C12orf54: variants seen among roughly 807,000 people sequenced by gnomAD.
C12orf54 encodes the protein chromosome 12 open reading frame 54, also known as uncharacterized protein C12orf54.
In C12orf54, 24 loss-of-function variants were observed where a neutral mutation model predicts 26.4. That is an observed-to-expected ratio of 0.91 (90% CI 0.66 to 1.28). C12orf54 has a LOEUF of 1.28. Among genes scored for constraint, C12orf54 ranks in the 50% most tolerant of loss-of-function variants. The pLI is 0.00. For synonymous variants in C12orf54, 54 were observed against 47.0 expected, an observed-to-expected ratio of 1.15 and a Z score of -0.61; for missense variants, 154 against 150.9, an observed-to-expected ratio of 1.02 and a Z score of -0.11.
the C12orf54 span, among the ~76,000 whole-genome samples, chr12:48,421,646 C>A: frequency 6.7e-6 from 1 of 149,736 alleles, no homozygotes; most frequent in Non-Finnish European, 1.5e-5. Flanking sequence ...TATCCTGCCT[C>A]AGACTCCCAA....
the C12orf54 span, among the ~76,000 whole-genome samples, chr12:48,457,059 T>C: frequency 6.6e-6 from 1 of 152,216 alleles, no homozygotes; most frequent in African/African-American, 2.4e-5. Flanking sequence ...TTAAGTTTAG[T>C]GTGTAGTTAC....
intron 2 of C12orf54, among the ~76,000 whole-genome samples, chr12:48,485,914 T>A (rs4344535): frequency 0.15 from 22,244 of 152,060 alleles, 2,849 homozygotes; most frequent in East Asian, 0.66. Flanking sequence ...AATGACAGTG[T>A]CCATCACCTT....
chr12:48,439,768 G>A, the C12orf54 span, among the ~76,000 whole-genome samples: 1 of 152,026 alleles, frequency 6.6e-6, no homozygotes, highest in Admixed American at 6.5e-5. Context: ...GAGTGGGGAG[G>A]GATAGCATTA....
chr12:48,455,220 A>C, the C12orf54 span, among the ~76,000 whole-genome samples: 1 of 152,158 alleles, frequency 6.6e-6, no homozygotes, highest in South Asian at 2.1e-4. Context: ...TTCCTGTATT[A>C]GTTCATTTAG....
chr12:48,457,584 G>A, the C12orf54 span, among the ~76,000 whole-genome samples: 12 of 151,908 alleles, frequency 7.9e-5, no homozygotes, highest in South Asian at 4.2e-4. Flanking sequence ...TGCCTGCCTC[G>A]GCCTCCCAAA....
chr12:48,489,717 T>C (rs1053626319), intron 5 of C12orf54, among the ~76,000 whole-genome samples: 1 of 141,980 alleles, frequency 7.0e-6, no homozygotes, highest in Non-Finnish European at 1.5e-5. Flanking sequence ...GCGCCCAGCC[T>C]AAGAAGGATT....
At chr12:48,462,406 T>C in the C12orf54 span, among the ~76,000 whole-genome samples, 1 of 151,582 alleles carries the variant, frequency 6.6e-6, no homozygotes, top group South Asian at 2.1e-4. Context: ...CCAACATTAT[T>C]ATGATGCCAA....
chr12:48,418,296 A>G, the C12orf54 span, among the ~76,000 whole-genome samples: 3 of 152,194 alleles, frequency 2.0e-5, no homozygotes, highest in Non-Finnish European at 4.4e-5. Context: ...CTGTGCTGTC[A>G]ATAAACGGCA....
At chr12:48,455,759 A>G in the C12orf54 span, among the ~76,000 whole-genome samples, 1 of 152,210 alleles carries the variant, frequency 6.6e-6, no homozygotes, top group Non-Finnish European at 1.5e-5. Flanking sequence ...AAAATTATGA[A>G]AAATGTATCC....
chr12:48,464,960 G>A, the C12orf54 span, among the ~76,000 whole-genome samples: 4 of 151,420 alleles, frequency 2.6e-5, no homozygotes, highest in Non-Finnish European at 4.4e-5. Flanking sequence ...AACTATAAAA[G>A]CCTTGTATTA....
At chr12:48,413,255 C>T in the C12orf54 span, among the ~76,000 whole-genome samples, 5 of 152,174 alleles carry the variant, frequency 3.3e-5, no homozygotes, top group Admixed American at 3.3e-4. Flanking sequence ...GCCCTACATG[C>T]CCTCTAATAA....
the C12orf54 span, among the ~76,000 whole-genome samples, chr12:48,437,585 G>A: frequency 5.3e-5 from 8 of 152,168 alleles, no homozygotes; most frequent in African/African-American, 1.9e-4. Context: ...TCGGATGCAA[G>A]GCTGGTTCAA....
chr12:48,433,090 G>A, the C12orf54 span, among the ~76,000 whole-genome samples: 1 of 152,020 alleles, frequency 6.6e-6, no homozygotes, highest in Admixed American at 6.6e-5. Flanking sequence ...ATTCACAATA[G>A]GAACAAAAAA....
chr12:48,439,310 A>C, the C12orf54 span, among the ~76,000 whole-genome samples: 167 of 152,238 alleles, frequency 1.1e-3, no homozygotes, highest in Middle Eastern at 3.4e-3. Context: ...GGACTGTAAA[A>C]TAGTTCAACC....
the C12orf54 span, among the ~76,000 whole-genome samples, chr12:48,417,796 C>T: frequency 2.0e-5 from 3 of 152,110 alleles, no homozygotes; most frequent in African/African-American, 7.2e-5. Context: ...CATGAGTACC[C>T]AGTGTTTAGC....
the C12orf54 span, among the ~76,000 whole-genome samples, chr12:48,428,405 A>T: frequency 6.6e-6 from 1 of 152,092 alleles, no homozygotes; most frequent in Non-Finnish European, 1.5e-5. Flanking sequence ...AGATAAATAA[A>T]AGTGATAGAC....
the C12orf54 span, among the ~76,000 whole-genome samples, chr12:48,418,670 G>T: frequency 1.9e-4 from 29 of 152,260 alleles, no homozygotes; most frequent in Middle Eastern, 6.8e-3. Flanking sequence ...GAATAAAGTG[G>T]TTGAAATTGA....
the C12orf54 span, among the ~76,000 whole-genome samples, chr12:48,450,352 T>C: frequency 2.0e-5 from 3 of 152,150 alleles, no homozygotes; most frequent in African/African-American, 7.2e-5. Flanking sequence ...GAGGGAAATG[T>C]ATAACACTGA....
At chr12:48,492,179 C>T (rs908467853) in intron 6 of C12orf54, among the ~76,000 whole-genome samples, 3 of 152,032 alleles carry the variant, frequency 2.0e-5, no homozygotes, top group Non-Finnish European at 2.9e-5. Flanking sequence ...TTTTCAGCCC[C>T]GCAGCAAAAC....
Sources: allele counts gnomAD v4.1 joint callset (sites outside exome capture counted in the v4.1 genomes callset), GRCh38; gene constraint gnomAD v4.1.1; transcripts MANE v1.5; gene names NCBI Gene and HGNC (gene_info 2026-07-23, HGNC 2026-07-21).